The following B3GALT1 variants were observed in gnomAD, a reference collection of about 807,000 sequenced individuals.
B3GALT1 encodes the protein beta-1,3-galactosyltransferase 1.
Under a neutral mutation model 23.2 loss-of-function variants are expected in B3GALT1, and 10 were observed. The ratio of observed to expected loss-of-function variants is 0.43; its 90% CI spans 0.27 to 0.73. The LOEUF is 0.73. Ranked by LOEUF, B3GALT1 falls within the 30% of genes least tolerant of loss-of-function variation. The probability of loss-of-function intolerance (pLI) is 0.21; values close to 1 mark genes in which losing one functional copy is unlikely to be tolerated. For synonymous variants in B3GALT1, 156 were observed against 141.5 expected (o/e 1.10, Z -0.73); for missense variants, 299 against 405.4 (o/e 0.74, Z 2.25).
intron 2 of B3GALT1, among the ~76,000 whole-genome samples, chr2:167,584,049 C>T (rs1684538628): frequency 6.6e-6 from 1 of 150,956 alleles, no homozygotes; most frequent in East Asian, 1.9e-4. Context: ...GGGTGGCAGG[C>T]TGGGGGAGCA....
At chr2:167,700,633 C>A (rs1176738913) in intron 3 of B3GALT1, among the ~76,000 whole-genome samples, 1 of 152,132 alleles carries the variant, frequency 6.6e-6, no homozygotes, top group Non-Finnish European at 1.5e-5. Flanking sequence ...GCTGCTATAT[C>A]TCAAATAGTT....
intron 1 of B3GALT1, among the ~76,000 whole-genome samples, chr2:167,434,381 A>G (rs1698746689): frequency 6.6e-6 from 1 of 152,140 alleles, no homozygotes; most frequent in Non-Finnish European, 1.5e-5. Flanking sequence ...TCCCCAGTTT[A>G]AACAGTATTG....
chr2:167,525,172 C>G (rs1683199585), intron 2 of B3GALT1, among the ~76,000 whole-genome samples: 1 of 152,184 alleles, frequency 6.6e-6, no homozygotes, highest in South Asian at 2.1e-4. Context: ...CAACATGTCT[C>G]TATATCAGAA....
chr2:167,580,930 CTATTATA>C (rs1684474216), intron 2 of B3GALT1, among the ~76,000 whole-genome samples: 1 of 152,098 alleles, frequency 6.6e-6, no homozygotes, highest in Admixed American at 6.5e-5. Context: ...ACAGTTTCTA[CTATTATA>C]TATTTGATTT....
At position 167,483,405 on chromosome 2, in the gene B3GALT1, C is replaced by G. The variant is rs1699586285; in HGVS notation, c.-510-6772C>G. ...ACTTGGCTAAATTATTATGGGAAAT[C>G]AAAACACAAATAAGAATATTCAAAG... is the stretch of plus-strand genomic sequence containing the variant. On this transcript the variant is annotated intron_variant, in intron 1 of 4. Coordinates refer to ENST00000392690, the MANE Select transcript of B3GALT1 (RefSeq NM_020981.4). 2.0e-5 allele frequency among the ~76,000 whole-genome samples: 3 copies of G among 152,142 alleles called. No individual in the cohort carries two copies. The South Asian group carries it at 6.2e-4, about 32-fold the overall frequency.
chr2:167,364,229 C>T (rs1697548904), intron 1 of B3GALT1, among the ~76,000 whole-genome samples: 1 of 150,374 alleles, frequency 6.7e-6, no homozygotes, highest in South Asian at 2.1e-4. Context: ...TACCATTCTG[C>T]ACACTTATAT....
chr2:167,564,492 C>G (rs1684108753), intron 2 of B3GALT1, among the ~76,000 whole-genome samples: 1 of 152,118 alleles, frequency 6.6e-6, no homozygotes, highest in African/African-American at 2.4e-5. Context: ...ATCTCGGCAC[C>G]CTGGGAGGCC....
At chr2:167,343,520 G>A (rs1697182942) in intron 1 of B3GALT1, among the ~76,000 whole-genome samples, 1 of 152,082 alleles carries the variant, frequency 6.6e-6, no homozygotes. Context: ...GAAGGAACCA[G>A]GCTTTTTCTA....
At chr2:167,676,461 A>G (rs1336548943) in intron 3 of B3GALT1, among the ~76,000 whole-genome samples, 1 of 150,356 alleles carries the variant, frequency 6.7e-6, no homozygotes, top group Non-Finnish European at 1.5e-5. Flanking sequence ...AACTCTTCCC[A>G]TCTAACCTTA....
At chr2:167,503,918 A>T (rs1432961748) in intron 2 of B3GALT1, among the ~76,000 whole-genome samples, 8 of 152,116 alleles carry the variant, frequency 5.3e-5, no homozygotes, top group Non-Finnish European at 7.4e-5. Flanking sequence ...ATTTTCTTAT[A>T]TTCTAGGTGT....
At chr2:167,378,389 T>C (rs1489211829) in intron 1 of B3GALT1, among the ~76,000 whole-genome samples, 2 of 152,178 alleles carry the variant, frequency 1.3e-5, no homozygotes, top group Non-Finnish European at 2.9e-5. Context: ...TAGGGAAGTT[T>C]CCTTAAATTA....
At chr2:167,822,440 G>A (rs79247451) in intron 4 of B3GALT1, among the ~76,000 whole-genome samples, 1,550 of 152,126 alleles carry the variant, frequency 0.01, 31 homozygotes, top group African/African-American at 0.034. Flanking sequence ...CTTACACAGC[G>A]CACCCTCTAA....
At chr2:167,674,730 G>GA (rs1686392439) in intron 3 of B3GALT1, among the ~76,000 whole-genome samples, 1 of 152,076 alleles carries the variant, frequency 6.6e-6, no homozygotes, top group East Asian at 1.9e-4. Flanking sequence ...GACCAGGGAA[G>GA]AAAAATCAAG....
intron 1 of B3GALT1, among the ~76,000 whole-genome samples, chr2:167,447,583 C>G (rs946294153): frequency 2.6e-5 from 4 of 152,162 alleles, no homozygotes; most frequent in African/African-American, 4.8e-5. Flanking sequence ...CCCCCAGCCT[C>G]TCTGCCCCCT....
At chr2:167,512,285 A>G (rs1454772448) in intron 2 of B3GALT1, among the ~76,000 whole-genome samples, 1 of 151,582 alleles carries the variant, frequency 6.6e-6, no homozygotes, top group Non-Finnish European at 1.5e-5. Context: ...TTATATTCCT[A>G]GGCTGCTATG....
intron 1 of B3GALT1, among the ~76,000 whole-genome samples, chr2:167,435,946 CACACACAA>C (rs1400093730): frequency 3.1e-3 from 408 of 130,980 alleles, no homozygotes; most frequent in African/African-American, 0.015. Context: ...ACCCTCCACA[CACACACAA>C]ACACACACAC....
intron 1 of B3GALT1, among the ~76,000 whole-genome samples, chr2:167,458,258 A>G (rs184727224): frequency 5.9e-5 from 9 of 152,182 alleles, no homozygotes; most frequent in Admixed American, 2.0e-4. Context: ...AATGTTCTCA[A>G]CTTTCATCTG....
At chr2:167,461,233 G>A (rs1000280082) in intron 1 of B3GALT1, among the ~76,000 whole-genome samples, 3 of 152,246 alleles carry the variant, frequency 2.0e-5, no homozygotes, top group Non-Finnish European at 4.4e-5. Context: ...CACATGCATA[G>A]TTGCCTGCCA....
rs188798710 is a variant in B3GALT1 at position 167,489,096 on chromosome 2, G to A, written c.-510-1081G>A. Among the ~76,000 whole-genome samples, 713 of 152,156 alleles carry A rather than the reference G, an allele frequency of 4.7e-3. 8 individuals carry two copies. Among genetic ancestry groups the A allele is most frequent in the South Asian group, 0.033 (161 of 4,812 alleles). The stretch of plus-strand genomic sequence containing the variant: ...GAATGATTGTTAGAAGTAGAGTTCA[G>A]AGGTGCCATCAAACTAACGTCATTG... On this transcript the variant is annotated intron_variant, in intron 1 of 4. Transcript: ENST00000392690.
Sources: allele counts gnomAD v4.1 joint callset (sites outside exome capture counted in the v4.1 genomes callset), GRCh38; gene constraint gnomAD v4.1.1; transcripts MANE v1.5; gene names NCBI Gene and HGNC (gene_info 2026-07-23, HGNC 2026-07-21).